The following LRRC8D variants were observed in gnomAD, a reference collection of about 807,000 sequenced individuals.
The protein encoded by LRRC8D is volume-regulated anion channel subunit LRRC8D.
In LRRC8D, 20 loss-of-function variants were observed where a neutral mutation model predicts 55.8. The observed-to-expected ratio is 0.36, with a 90% CI of 0.25 to 0.52. The LOEUF is 0.52. Ranked by LOEUF, LRRC8D falls within the 20% of genes least tolerant of loss-of-function variation. The pLI is 0.93. For synonymous variants in LRRC8D, 352 were observed against 377.0 expected (o/e 0.93, Z 0.77); for missense variants, 651 against 1,030.8 (o/e 0.63, Z 5.05).
intron 2 of LRRC8D, among the ~76,000 whole-genome samples, chr1:89,883,454 T>C (rs1054493798): frequency 3.3e-5 from 5 of 152,122 alleles, no homozygotes; most frequent in Non-Finnish European, 7.4e-5. Flanking sequence ...CTGGGTTTTC[T>C]GAGTGCAGGA....
rs755992753 is a variant in LRRC8D at position 89,935,673 on chromosome 1, G to T, written c.*28G>T. The T allele has an allele frequency of 2.0e-5, 32 of 1,591,516 alleles. No homozygotes were observed. Among genetic ancestry groups the T allele is most frequent in the Non-Finnish European group, 2.5e-5 (29 of 1,164,368 alleles). ...TAAGATAATATATGCACAGTGATGT[G>T]CAGGAACAACTTCCTAGATTGCAAG... is the stretch of plus-strand genomic sequence containing the variant. On this transcript the variant is annotated 3_prime_UTR_variant, in exon 3 of 3. Transcript: ENST00000337338.
chr1:89,923,925 AACTC>A (rs1434344965), intron 2 of LRRC8D, among the ~76,000 whole-genome samples: 3 of 152,248 alleles, frequency 2.0e-5, no homozygotes, highest in Non-Finnish European at 2.9e-5. Flanking sequence ...TACAAAAACT[AACTC>A]ACGATGGATT....
chr1:89,892,116 T>G (rs1243969693), intron 2 of LRRC8D, among the ~76,000 whole-genome samples: 2 of 152,254 alleles, frequency 1.3e-5, no homozygotes, highest in Admixed American at 1.3e-4. Flanking sequence ...TAATTGTTCT[T>G]TAGTGGTCAA....
At chr1:89,880,326 C>G (rs1332717233) in intron 2 of LRRC8D, among the ~76,000 whole-genome samples, 2 of 151,352 alleles carry the variant, frequency 1.3e-5, no homozygotes, top group Non-Finnish European at 2.9e-5. Context: ...TCATCTGAGG[C>G]AAAGTGTTTA....
chr1:89,821,546 C>T (rs1660631990), intron 1 of LRRC8D, among the ~76,000 whole-genome samples: 1 of 152,138 alleles, frequency 6.6e-6, no homozygotes, highest in African/African-American at 2.4e-5. Flanking sequence ...CCGCTTCGGC[C>T]CCGGGCGGCC....
intron 1 of LRRC8D, among the ~76,000 whole-genome samples, chr1:89,835,729 G>A (rs1413090600): frequency 6.6e-6 from 1 of 152,164 alleles, no homozygotes; most frequent in East Asian, 1.9e-4. Flanking sequence ...ACCTCCTAGG[G>A]TTAGTTGTGA....
At chr1:89,828,075 C>T (rs1171541079) in intron 1 of LRRC8D, among the ~76,000 whole-genome samples, 1 of 152,204 alleles carries the variant, frequency 6.6e-6, no homozygotes, top group East Asian at 1.9e-4. Context: ...CTCAGAACCA[C>T]CATCTTAGTA....
chr1:89,927,916 C>T (rs1663608978), intron 2 of LRRC8D, among the ~76,000 whole-genome samples: 1 of 152,162 alleles, frequency 6.6e-6, no homozygotes, highest in South Asian at 2.1e-4. Flanking sequence ...CAAGTGATAG[C>T]CACTATTACT....
At chr1:89,918,317 A>G (rs980357821) in intron 2 of LRRC8D, among the ~76,000 whole-genome samples, 7 of 152,232 alleles carry the variant, frequency 4.6e-5, no homozygotes, top group African/African-American at 1.4e-4. Flanking sequence ...AGTGCTTACC[A>G]TGTGCTGGGC....
rs76564897 is a variant in LRRC8D at position 89,835,053 on chromosome 1, G to C, written c.-147-8585G>C. On this transcript the variant is annotated intron_variant, in intron 1 of 2. Coordinates refer to ENST00000337338, the MANE Select transcript of LRRC8D (RefSeq NM_001134479.2). ...GATCTCTGCCTTCAGCAATTCTGGT[G>C]GTAGCATGGGCTTTCGCCAGCACTA... Among the ~76,000 whole-genome samples, 13 of 90,222 alleles carry C rather than the reference G, an allele frequency of 1.4e-4. No homozygotes were observed. In the East Asian group the frequency reaches 4.4e-3, roughly 31 times the overall value. 59.2% of individuals were successfully genotyped at this position (90,222 alleles called of 152,430 possible).
chr1:89,862,231 A>G (rs1196546457), intron 2 of LRRC8D, among the ~76,000 whole-genome samples: 1 of 152,174 alleles, frequency 6.6e-6, no homozygotes, highest in Non-Finnish European at 1.5e-5. Context: ...AACTCTTAAT[A>G]CTAAAAAAGG....
chr1:89,918,322 C>T (rs1443960669), intron 2 of LRRC8D, among the ~76,000 whole-genome samples: 1 of 152,230 alleles, frequency 6.6e-6, no homozygotes, highest in East Asian at 1.9e-4. Flanking sequence ...TTACCATGTG[C>T]TGGGCACTTG....
chr1:89,902,298 T>C (rs766706938), intron 2 of LRRC8D, among the ~76,000 whole-genome samples: 1 of 152,246 alleles, frequency 6.6e-6, no homozygotes, highest in Non-Finnish European at 1.5e-5. Flanking sequence ...AGCCTGCTAC[T>C]TTATTTCTAA....
chr1:89,855,500 C>T (rs1282460588), intron 2 of LRRC8D, among the ~76,000 whole-genome samples: 3 of 152,212 alleles, frequency 2.0e-5, no homozygotes, highest in Non-Finnish European at 4.4e-5. Flanking sequence ...TCTTTATGCT[C>T]ATGCCGATTT....
Position 89,934,176 on chromosome 1 carries a change from A to G in LRRC8D, c.1108A>G (p.Ile370Val), listed in dbSNP as rs769039606. 8 of 1,613,996 alleles carry G rather than the reference A, an allele frequency of 5.0e-6. No homozygotes were observed. Among genetic ancestry groups the G allele is most frequent in the African/African-American group, 4.0e-5 (3 of 74,918 alleles). Reference protein sequence around the residue: ...YMLKKLLISYISIICVYGFIC... With the variant: ...YMLKKLLISYVSIICVYGFIC... Reference sequence around the variant, plus strand: ...GTTGAAAAAGCTTCTCATCAGTTACATATCCATTATTTGTGTTTATGGCTT... The same window carrying G: ...GTTGAAAAAGCTTCTCATCAGTTACGTATCCATTATTTGTGTTTATGGCTT... Residue 370 changes from isoleucine to valine, a missense_variant, in exon 3 of 3, where the codon ATA becomes GTA. By Grantham distance (29) the Ile-to-Val change is conservative (BLOSUM62 3). This residue lies in a region of LRRC8D where 178 missense variants were observed against 374.9 expected (regional missense o/e 0.47). Coordinates refer to ENST00000337338, the MANE Select transcript of LRRC8D (RefSeq NM_001134479.2). The surrounding 1 kb of genome is among the most constrained non-coding windows in gnomAD (Gnocchi z 5.9).
At chr1:89,886,027 C>G (rs542981748) in intron 2 of LRRC8D, among the ~76,000 whole-genome samples, 1 of 152,230 alleles carries the variant, frequency 6.6e-6, no homozygotes, top group South Asian at 2.1e-4. Context: ...TCCTTCTATT[C>G]CTTTACTCCT....
At chr1:89,871,053 A>G (rs1661994515) in intron 2 of LRRC8D, among the ~76,000 whole-genome samples, 1 of 152,176 alleles carries the variant, frequency 6.6e-6, no homozygotes, top group African/African-American at 2.4e-5. Context: ...TGGTGAAGTT[A>G]CTTCCTGTGG....
intron 2 of LRRC8D, among the ~76,000 whole-genome samples, chr1:89,847,167 G>A (rs1661302625): frequency 1.3e-5 from 2 of 152,160 alleles, no homozygotes; most frequent in South Asian, 2.1e-4. Context: ...TTTAGTTACA[G>A]TTTTAATGTT....
chr1:89,851,940 T>C (rs1425013347), intron 2 of LRRC8D, among the ~76,000 whole-genome samples: 2 of 152,182 alleles, frequency 1.3e-5, no homozygotes, highest in South Asian at 2.1e-4. Context: ...AAGGTTAGGC[T>C]AAGACAAAGA....
Sources: gnomAD v4.1 joint callset for allele counts (sites outside exome capture counted in the v4.1 genomes callset) on GRCh38, gnomAD v4.1.1 for gene constraint, gnomAD v4.1.1 regional missense constraint, Gnocchi (gnomAD v3.1) non-coding constraint, MANE v1.5 for transcripts, NCBI Gene and HGNC (gene_info 2026-07-23, HGNC 2026-07-21) for gene names.